MED12L: variants seen among roughly 807,000 people sequenced by gnomAD.
MED12L encodes the protein mediator of RNA polymerase II transcription subunit 12-like protein.
Under a neutral mutation model 281.3 loss-of-function variants are expected in MED12L, and 60 were observed. The ratio of observed to expected loss-of-function variants is 0.21; its 90% CI spans 0.17 to 0.26. MED12L has a LOEUF of 0.26. Among genes scored for constraint, MED12L ranks in the 10% least tolerant of loss-of-function variants. The pLI, the probability that MED12L is intolerant of heterozygous loss-of-function variation, is 1.00. For synonymous variants in MED12L, 974 were observed against 987.2 expected (o/e 0.99, Z 0.25); for missense variants, 2,146 against 2,680.9 (o/e 0.80, Z 4.41).
At chr3:151,247,962 C>CTTTTTTTTTTTTTTTTT (rs61102632) in intron 16 of MED12L, among the ~76,000 whole-genome samples, 27 of 75,898 alleles carry the variant, frequency 3.6e-4, no homozygotes, top group East Asian at 1.1e-3. Context: ...TCTTCTTCTT[C>CTTTTTTTTTTTTTTTTT]TTTTTTTTTT....
rs112445058 is a variant in MED12L at position 151,191,098 on chromosome 3, A to G, written c.1968+167A>G. ...CGAGCAGGAAAGATATTTACACTGT[A>G]GCTTCTTATGTCTTCCAGAATTTCC... On this transcript the variant is annotated intron_variant, in intron 14 of 44. Coordinates refer to ENST00000687756, the MANE Select transcript of MED12L (RefSeq NM_001393769.1). Among the ~76,000 whole-genome samples, 386 of 152,300 alleles carry G rather than the reference A, an allele frequency of 2.5e-3. 1 individual carries two copies. The highest frequency in any genetic ancestry group is 3.8e-3 in the African/African-American group (158 of 41,568).
chr3:151,359,546 A>C (rs1481990490), intron 20 of MED12L, among the ~76,000 whole-genome samples: 1 of 152,112 alleles, frequency 6.6e-6, no homozygotes, highest in African/African-American at 2.4e-5. Context: ...TGAATAGTAC[A>C]GAGGAGTTTG....
chr3:151,382,809 T>G, intron 33 of MED12L, 64 bp downstream of exon 33: 1 of 1,313,466 alleles, frequency 7.6e-7, no homozygotes, highest in South Asian at 1.3e-5. Flanking sequence ...TACCTCCAGC[T>G]TTCCACTTCT....
At position 151,193,483 on chromosome 3, in the gene MED12L, G is replaced by T; in HGVS notation, c.2074-7G>T. 6.2e-7 allele frequency: 1 copy of T among 1,608,362 alleles called. No homozygotes were observed. Among genetic ancestry groups the T allele is most frequent in the South Asian group, 1.1e-5 (1 of 90,596 alleles). The stretch of plus-strand genomic sequence containing the variant: ...ACAATCTCCAACATTTGTTTTACAT[G>T]ACTTAGATTTTTTCTCCTATGCCTG... On this transcript the variant is annotated splice_region_variant and splice_polypyrimidine_tract_variant and intron_variant, in intron 15 of 44. Coordinates refer to ENST00000687756, the MANE Select transcript of MED12L (RefSeq NM_001393769.1).
intron 16 of MED12L, among the ~76,000 whole-genome samples, chr3:151,227,678 G>A (rs539383583): frequency 8.5e-5 from 13 of 152,174 alleles, no homozygotes; most frequent in Non-Finnish European, 1.2e-4. Context: ...CAGTCTTCCC[G>A]AATGGCAAAC....
chr3:151,299,437 T>C (rs144796170), intron 16 of MED12L, among the ~76,000 whole-genome samples: 2,461 of 108,054 alleles, frequency 0.023, 91 homozygotes, highest in African/African-American at 0.08. Context: ...CTCTCCTCTC[T>C]TTTCTTTTCT....
chr3:151,176,173 T>C (rs573020969), intron 11 of MED12L, among the ~76,000 whole-genome samples: 2 of 152,322 alleles, frequency 1.3e-5, no homozygotes, highest in South Asian at 4.1e-4. Context: ...GGACTCAGAT[T>C]TGACCTAGTA....
chr3:151,120,089 G>A (rs1713520415), intron 3 of MED12L, among the ~76,000 whole-genome samples: 2 of 151,308 alleles, frequency 1.3e-5, no homozygotes, highest in South Asian at 4.2e-4. Flanking sequence ...GCTGGGTGTG[G>A]TGGTCGGCAC....
At chr3:151,109,081 G>A (rs1195684591) in intron 2 of MED12L, among the ~76,000 whole-genome samples, 1 of 147,736 alleles carries the variant, frequency 6.8e-6, no homozygotes. Context: ...TTTTTGAGAT[G>A]GAGTCTCGCT....
chr3:151,385,317 G>A lies in MED12L; in HGVS notation c.5088+126G>A, dbSNP rs1713146553. On this transcript the variant is annotated intron_variant, in intron 36 of 44. Coordinates refer to ENST00000687756, the MANE Select transcript of MED12L (RefSeq NM_001393769.1). Reference sequence around the variant, plus strand: ...GTTGATGTTTTTAAGGCATATGCTTGTCTTCTAAGTGTACTTAGTCATTGG... The same window carrying A: ...GTTGATGTTTTTAAGGCATATGCTTATCTTCTAAGTGTACTTAGTCATTGG... 8.9e-6 allele frequency: 5 copies of A among 561,506 alleles called. No homozygotes were observed. The South Asian group carries it at 1.5e-4, about 16-fold the overall frequency. The allele number at this position is 561,506 out of a possible 1,614,324, so 34.8% of individuals were successfully genotyped here.
rs368142319 is a variant in MED12L at position 151,182,883 on chromosome 3, C to G, written c.1495-2447C>G. Among the ~76,000 whole-genome samples, 72 of 152,156 alleles carry G rather than the reference C, an allele frequency of 4.7e-4. 1 individual carries two copies. The highest frequency in any genetic ancestry group is 1.7e-3 in the African/African-American group (70 of 41,496). On this transcript the variant is annotated intron_variant, in intron 11 of 44. Transcript: ENST00000687756. ...CTGGAGGCATGGGTTTAGCTTGCCT[C>G]TCATTACAGTTGGGATAACTACTTC...
At chr3:151,269,269 G>A (rs1472125062) in intron 16 of MED12L, among the ~76,000 whole-genome samples, 2 of 152,036 alleles carry the variant, frequency 1.3e-5, no homozygotes, top group African/African-American at 4.8e-5. Flanking sequence ...GTGTGGTGGT[G>A]CATGCCTGTA....
intron 39 of MED12L, among the ~76,000 whole-genome samples, chr3:151,395,891 T>G (rs1005076371): frequency 6.6e-6 from 1 of 152,232 alleles, no homozygotes; most frequent in Admixed American, 6.5e-5. Flanking sequence ...CGTTGTGTAA[T>G]TTACGGCACT....
chr3:151,294,475 A>G (rs371872806), intron 16 of MED12L: 3 of 1,614,110 alleles, frequency 1.9e-6, no homozygotes, highest in African/African-American at 2.7e-5. Context: ...ACACAGCCAC[A>G]ACAACCCTGA....
chr3:151,334,296 A>G (rs1193167172), intron 16 of MED12L, among the ~76,000 whole-genome samples: 2 of 148,816 alleles, frequency 1.3e-5, no homozygotes, highest in African/African-American at 2.5e-5. Context: ...ATTGATTATG[A>G]AGTGCATTTC....
rs538005874 is a variant in MED12L, at chr3:151,087,678, A to T, written c.99+653A>T. 4.6e-5 allele frequency among the ~76,000 whole-genome samples: 7 copies of T among 152,304 alleles called. No homozygotes were observed. In the South Asian group the frequency reaches 1.2e-3, roughly 27 times the overall value. ...AGCAGGCGAGTTACCTTGGGAGGGA[A>T]TAGTTCCCAGGATTGCTTATTTCTT... On this transcript the variant is annotated intron_variant, in intron 2 of 44. Transcript: ENST00000687756.
intron 5 of MED12L, among the ~76,000 whole-genome samples, chr3:151,144,950 T>C (rs1047836066): frequency 6.6e-6 from 1 of 152,202 alleles, no homozygotes; most frequent in African/African-American, 2.4e-5. Flanking sequence ...GGTTACTTCC[T>C]CCTTTTTTGT....
chr3:151,198,514 T>C (rs1428722770), intron 16 of MED12L: 5 of 1,613,962 alleles, frequency 3.1e-6, no homozygotes, highest in Non-Finnish European at 4.2e-6. Flanking sequence ...TTGAGCGGAA[T>C]GCTTTTGAGA....
At chr3:151,335,955 C>T (rs1235558653) in intron 16 of MED12L, among the ~76,000 whole-genome samples, 1 of 152,136 alleles carries the variant, frequency 6.6e-6, no homozygotes, top group Admixed American at 6.5e-5. Context: ...ATCTCAGTGA[C>T]AAAGATTTTG....
Sources: allele counts gnomAD v4.1 joint callset (sites outside exome capture counted in the v4.1 genomes callset), GRCh38; gene constraint gnomAD v4.1.1; transcripts MANE v1.5; gene names NCBI Gene and HGNC (gene_info 2026-07-23, HGNC 2026-07-21).